RANBP2: variants seen among roughly 807,000 people sequenced by gnomAD.
RANBP2 encodes the protein E3 SUMO-protein ligase RanBP2.
A neutral mutation model predicts 303.6 loss-of-function variants in RANBP2; 57 were observed. The ratio of observed to expected loss-of-function variants is 0.19; its 90% CI spans 0.15 to 0.23. The LOEUF (loss-of-function observed/expected upper bound fraction) is 0.23, where lower values mean the gene tolerates loss of function less well. RANBP2 is among the 10% of genes least tolerant of loss of function. The pLI, the probability that RANBP2 is intolerant of heterozygous loss-of-function variation, is 1.00. For synonymous variants in RANBP2, 1,167 were observed against 1,301.5 expected, an observed-to-expected ratio of 0.90 and a Z score of 2.23; for missense variants, 3,138 against 3,780.8, an observed-to-expected ratio of 0.83 and a Z score of 4.46.
At chr2:109,251,981 G>A in the RANBP2 span, among the ~76,000 whole-genome samples, 23 of 152,104 alleles carry the variant, frequency 1.5e-4, no homozygotes, top group African/African-American at 5.1e-4. Flanking sequence ...AATGGCTCAC[G>A]ACTATAATCC....
the RANBP2 span, among the ~76,000 whole-genome samples, chr2:109,493,281 A>T: frequency 7.3e-6 from 1 of 137,182 alleles, no homozygotes; most frequent in South Asian, 2.3e-4. Context: ...CACGTACACC[A>T]TAGAAACACA....
the RANBP2 span, chr2:109,436,879 C>T: frequency 5.0e-6 from 8 of 1,610,418 alleles, no homozygotes; most frequent in Admixed American, 1.7e-5. Flanking sequence ...ATTCCTTCTG[C>T]TTTCTCTCCA....
the RANBP2 span, chr2:109,568,068 A>T: frequency 9.9e-7 from 1 of 1,010,868 alleles, no homozygotes; most frequent in African/African-American, 1.6e-5. Flanking sequence ...CATTCTGACA[A>T]TGAATTTCCC....
At chr2:109,088,396 CAAAA>C in the RANBP2 span, among the ~76,000 whole-genome samples, 3 of 72,758 alleles carry the variant, frequency 4.1e-5, no homozygotes, top group Non-Finnish European at 8.5e-5. Flanking sequence ...GATTCCATCT[CAAAA>C]AAAAAAAAAA....
chr2:109,037,761 A>G, the RANBP2 span, among the ~76,000 whole-genome samples: 2 of 152,232 alleles, frequency 1.3e-5, no homozygotes, highest in East Asian at 3.8e-4. Flanking sequence ...TATGTACAAC[A>G]TTTGCACGCT....
the RANBP2 span, among the ~76,000 whole-genome samples, chr2:109,158,942 C>A: frequency 6.6e-6 from 1 of 152,098 alleles, no homozygotes; most frequent in African/African-American, 2.4e-5. Context: ...ATGGTGAAAC[C>A]CTGTTTCTAC....
At chr2:109,660,952 G>C in the RANBP2 span, among the ~76,000 whole-genome samples, 2 of 152,120 alleles carry the variant, frequency 1.3e-5, no homozygotes, top group African/African-American at 4.8e-5. Flanking sequence ...GCTCTAGCTT[G>C]ACCTCTGTTT....
At chr2:109,496,531 T>A in the RANBP2 span, among the ~76,000 whole-genome samples, 38,824 of 152,112 alleles carry the variant, frequency 0.26, 5,312 homozygotes, top group East Asian at 0.5. Context: ...TAATAGTAAG[T>A]CAGTGAGGGT....
chr2:109,375,188 C>G, the RANBP2 span, among the ~76,000 whole-genome samples: 1 of 152,282 alleles, frequency 6.6e-6, no homozygotes, highest in African/African-American at 2.4e-5. Flanking sequence ...CCCATCTGTG[C>G]TGTGCTCACC....
chr2:108,741,449 G>T (rs537531244), intron 7 of RANBP2, among the ~76,000 whole-genome samples: 1 of 146,742 alleles, frequency 6.8e-6, no homozygotes. Context: ...GCCTGCCTTG[G>T]TCTCCCAAAG....
intron 20 of RANBP2, among the ~76,000 whole-genome samples, chr2:108,771,449 A>G (rs2149295960): frequency 6.6e-6 from 1 of 152,250 alleles, no homozygotes; most frequent in East Asian, 1.9e-4. Flanking sequence ...TATTAAGTAA[A>G]CACAAATTTT....
chr2:109,276,445 G>A, the RANBP2 span, among the ~76,000 whole-genome samples: 18 of 152,240 alleles, frequency 1.2e-4, no homozygotes, highest in East Asian at 1.4e-3. Flanking sequence ...ACTGTCCTCC[G>A]GGACCCAGGG....
chr2:109,153,186 C>T, the RANBP2 span, among the ~76,000 whole-genome samples: 17 of 152,166 alleles, frequency 1.1e-4, no homozygotes, highest in Admixed American at 9.2e-4. Context: ...TGCACTGCAG[C>T]GTTCTGCTAA....
chr2:109,032,393 C>T, the RANBP2 span, among the ~76,000 whole-genome samples: 1 of 152,182 alleles, frequency 6.6e-6, no homozygotes, highest in Non-Finnish European at 1.5e-5. Flanking sequence ...AACCTCAGTC[C>T]TTTCAAGCAC....
At chr2:109,113,660 T>C in the RANBP2 span, among the ~76,000 whole-genome samples, 9 of 152,216 alleles carry the variant, frequency 5.9e-5, no homozygotes, top group Admixed American at 5.9e-4. Context: ...GGCCAGAACT[T>C]CCAACACTAT....
chr2:109,588,050 G>C, the RANBP2 span, among the ~76,000 whole-genome samples: 1 of 151,954 alleles, frequency 6.6e-6, no homozygotes, highest in African/African-American at 2.4e-5. Context: ...TACAGATGTT[G>C]CTTAAGAAAC....
At chr2:109,480,891 T>G in the RANBP2 span, among the ~76,000 whole-genome samples, 1 of 152,110 alleles carries the variant, frequency 6.6e-6, no homozygotes, top group Non-Finnish European at 1.5e-5. Context: ...TTGATTTGTG[T>G]GGTTTCTGTC....
At chr2:109,105,343 GCCCTTC>G in the RANBP2 span, among the ~76,000 whole-genome samples, 4 of 152,060 alleles carry the variant, frequency 2.6e-5, no homozygotes, top group African/African-American at 9.7e-5. Context: ...TGCACATACG[GCCCTTC>G]CCAAGTGCTG....
chr2:109,194,499 G>T, the RANBP2 span, among the ~76,000 whole-genome samples: 2 of 152,240 alleles, frequency 1.3e-5, no homozygotes, highest in Non-Finnish European at 2.9e-5. Context: ...CAGGTGGGTG[G>T]TGCGCATCTG....
Sources: allele counts gnomAD v4.1 joint callset (sites outside exome capture counted in the v4.1 genomes callset), GRCh38; gene constraint gnomAD v4.1.1; transcripts MANE v1.5; gene names NCBI Gene and HGNC (gene_info 2026-07-23, HGNC 2026-07-21).